Variants in DSE observed in about 807,000 individuals in gnomAD.
DSE encodes the protein dermatan sulfate epimerase.
A neutral mutation model predicts 84.4 loss-of-function variants in DSE; 36 were observed. The ratio of observed to expected loss-of-function variants is 0.43; its 90% CI spans 0.33 to 0.56. The LOEUF is 0.56. Among genes scored for constraint, DSE ranks in the 20% least tolerant of loss-of-function variants. The pLI is 0.06. For missense variants in DSE, 862 were observed against 1,169.6 expected (o/e 0.74, Z 3.84); for synonymous variants, 410 against 430.1 (o/e 0.95, Z 0.58).
At chr6:116,421,463 ATTTTTTTTTT>A (rs71012335) in intron 2 of DSE, among the ~76,000 whole-genome samples, 5 of 61,344 alleles carry the variant, frequency 8.2e-5, no homozygotes, top group African/African-American at 4.6e-4. Context: ...ATATATATAT[ATTTTTTTTTT>A]TTTTTTTTTT....
intron 2 of DSE, among the ~76,000 whole-genome samples, chr6:116,264,284 T>A (rs1772528625): frequency 6.6e-6 from 1 of 152,174 alleles, no homozygotes; most frequent in African/African-American, 2.4e-5. Flanking sequence ...GAGGTTTTGC[T>A]CATTCCTTTT....
chr6:116,323,744 T>C (rs1476169207), intron 2 of DSE, among the ~76,000 whole-genome samples: 2 of 152,204 alleles, frequency 1.3e-5, no homozygotes, highest in Non-Finnish European at 2.9e-5. Context: ...GTATAAAATA[T>C]ACACCAAGAG....
intron 2 of DSE, among the ~76,000 whole-genome samples, chr6:116,292,981 G>A (rs1774387876): frequency 6.6e-6 from 1 of 152,116 alleles, no homozygotes; most frequent in Non-Finnish European, 1.5e-5. Flanking sequence ...GGATGGGAAG[G>A]GGACTTTAGC....
upstream of DSE, chr6:116,370,382 C>A (rs1252966232): frequency 1.2e-6 from 1 of 864,418 alleles, no homozygotes; most frequent in Non-Finnish European, 1.4e-6. Flanking sequence ...GTGACCCCCG[C>A]CCCAAAGTCC....
chr6:116,280,906 A>AGAG (rs1773488010), intron 2 of DSE, among the ~76,000 whole-genome samples: 1 of 152,276 alleles, frequency 6.6e-6, no homozygotes, highest in African/African-American at 2.4e-5. Flanking sequence ...AAGGTATAAA[A>AGAG]GAGGCAAACG....
At chr6:116,399,776 T>G in intron 2 of DSE, 110 bp downstream of exon 2, 1 of 1,045,458 alleles carries the variant, frequency 9.6e-7, no homozygotes, top group Non-Finnish European at 1.4e-6. Flanking sequence ...TGTATGTGTG[T>G]GGGGGGAGGT....
At chr6:116,368,214 C>T (rs571395401), upstream of DSE, among the ~76,000 whole-genome samples, 24 of 152,256 alleles carry the variant, frequency 1.6e-4, no homozygotes, top group African/African-American at 5.3e-4. Context: ...AAAAGTGCCA[C>T]GTACCCATGT....
intron 2 of DSE, chr6:116,279,747 C>G (rs1467619486): frequency 6.2e-7 from 1 of 1,612,188 alleles, no homozygotes; most frequent in South Asian, 1.1e-5. Context: ...GGTGTGCGTC[C>G]TGGTCGCTCG....
intron 2 of DSE, among the ~76,000 whole-genome samples, chr6:116,282,382 G>C (rs896379057): frequency 6.6e-6 from 1 of 151,970 alleles, no homozygotes; most frequent in African/African-American, 2.4e-5. Context: ...AGAAAGGAGT[G>C]TCAGGCTTGG....
At chr6:116,358,932 C>T (rs1778730177) in intron 2 of DSE, among the ~76,000 whole-genome samples, 1 of 152,156 alleles carries the variant, frequency 6.6e-6, no homozygotes, top group Non-Finnish European at 1.5e-5. Flanking sequence ...GGTCTATACC[C>T]TTAAACTTTG....
At chr6:116,256,794 A>G (rs1023050403) in intron 1 of DSE, 1 of 152,224 alleles carries the variant, frequency 6.6e-6, no homozygotes, top group Non-Finnish European at 1.5e-5. Flanking sequence ...GATATATAAT[A>G]GTAGCTATGA....
chr6:116,297,593 A>T (rs773792404), intron 2 of DSE, among the ~76,000 whole-genome samples: 5 of 152,198 alleles, frequency 3.3e-5, no homozygotes, highest in Non-Finnish European at 1.5e-5. Flanking sequence ...GGATTATTTG[A>T]TTTGTTAGAC....
chr6:116,400,607 G>A (rs1389965851), intron 2 of DSE: 2 of 152,196 alleles, frequency 1.3e-5, no homozygotes, highest in African/African-American at 4.8e-5. Context: ...CTGGAATTTT[G>A]TAATGAAAAG....
At chr6:116,406,543 A>C (rs1032247465) in intron 2 of DSE, among the ~76,000 whole-genome samples, 2 of 152,200 alleles carry the variant, frequency 1.3e-5, no homozygotes, top group African/African-American at 4.8e-5. Flanking sequence ...TTTTGGATGA[A>C]ATATTCACGC....
intron 2 of DSE, among the ~76,000 whole-genome samples, chr6:116,335,460 A>T (rs567626160): frequency 9.6e-4 from 146 of 152,286 alleles, no homozygotes; most frequent in African/African-American, 3.4e-3. Context: ...AAAAATCTGT[A>T]CAACAAACCC....
At chr6:116,282,699 G>T (rs1040999301) in intron 2 of DSE, among the ~76,000 whole-genome samples, 2 of 152,210 alleles carry the variant, frequency 1.3e-5, no homozygotes, top group Non-Finnish European at 2.9e-5. Context: ...TTAGAGAAGT[G>T]ATTGTGATTA....
At chr6:116,269,030 GAAA>G (rs538309017) in intron 2 of DSE, among the ~76,000 whole-genome samples, 3 of 132,206 alleles carry the variant, frequency 2.3e-5, no homozygotes, top group African/African-American at 8.0e-5. Context: ...AAAAAAAAAA[GAAA>G]AAAAAAAACC....
intron 2 of DSE, among the ~76,000 whole-genome samples, chr6:116,351,200 T>C (rs1778291006): frequency 6.6e-6 from 1 of 152,202 alleles, no homozygotes; most frequent in Admixed American, 6.5e-5. Context: ...AATGTTTTCC[T>C]TCACTGAATC....
chr6:116,372,174 T>TA (rs1164755788), intron 1 of DSE, among the ~76,000 whole-genome samples: 1 of 152,226 alleles, frequency 6.6e-6, no homozygotes, highest in Non-Finnish European at 1.5e-5. Flanking sequence ...CTCAAGTTTT[T>TA]AAAAAATTTC....
Sources: allele counts gnomAD v4.1 joint callset (sites outside exome capture counted in the v4.1 genomes callset), GRCh38; gene constraint gnomAD v4.1.1; transcripts MANE v1.5; gene names NCBI Gene and HGNC (gene_info 2026-07-23, HGNC 2026-07-21).